DNAJC19: variants seen among roughly 807,000 people sequenced by gnomAD.
The protein encoded by DNAJC19 is DnaJ heat shock protein family (Hsp40) member C19.
In DNAJC19, 15 loss-of-function variants were observed where a neutral mutation model predicts 19.8. That is an observed-to-expected ratio of 0.76 (90% CI 0.51 to 1.17). The LOEUF is 1.17. Ranked by LOEUF, DNAJC19 falls within the 50% of genes most tolerant of loss-of-function variation. The probability of loss-of-function intolerance (pLI) is 0.00; values close to 1 mark genes in which losing one functional copy is unlikely to be tolerated. For missense variants in DNAJC19, 105 were observed against 140.9 expected, an observed-to-expected ratio of 0.75 and a Z score of 1.29; for synonymous variants, 38 against 42.1, an observed-to-expected ratio of 0.90 and a Z score of 0.38.
In DNAJC19 at chr3:180,983,746, A is replaced by C. The variant is rs1481161452; in HGVS notation, c.*894T>G. Reference sequence around the variant, plus strand: ...CATCATTTAAATTTATTAGTGTATAAATTCTAAAGAGTCCAAATTAAATAT... The same window carrying C: ...CATCATTTAAATTTATTAGTGTATACATTCTAAAGAGTCCAAATTAAATAT... On this transcript the variant is annotated 3_prime_UTR_variant, in exon 6 of 6. Transcript: ENST00000382564. 2.3e-6 allele frequency: 1 copy of C among 440,994 alleles called. No individual in the cohort carries two copies. Among genetic ancestry groups the C allele is most frequent in the Non-Finnish European group, 4.5e-6 (1 of 221,852 alleles). 27.3% of individuals were successfully genotyped at this position (440,994 alleles called of 1,614,324 possible). A position where few individuals can be genotyped will look rare whatever the true frequency, so the allele number is the denominator to read the frequency against.
rs759296465 is a variant in DNAJC19 at position 180,986,902 on chromosome 3, C to A, written c.209+41G>T. On this transcript the variant is annotated intron_variant, in intron 4 of 5. Transcript: ENST00000382564. Reference sequence around the variant, plus strand: ...TTTCTTATATTTCCTCATGGCTCTACAGTGGTAGAAAAATGCTAAAAATAT... The same window carrying A: ...TTTCTTATATTTCCTCATGGCTCTAAAGTGGTAGAAAAATGCTAAAAATAT... 5.3e-6 allele frequency: 8 copies of A among 1,513,682 alleles called. No homozygotes were observed. The Admixed American group carries it at 1.3e-4, about 25-fold the overall frequency. The allele number at this position is 1,513,682 out of a possible 1,614,324, so 93.8% of individuals were successfully genotyped here.
rs1714873090 is a variant in DNAJC19, at chr3:180,985,829, G to A, written c.280+97C>T. On this transcript the variant is annotated intron_variant, in intron 5 of 5. Transcript: ENST00000382564. ...GGAGACAGGACTTACAGATTTAAGT[G>A]TTACCTTTCTAATAGCCAGGAATTT... The A allele has an allele frequency of 2.1e-5, 22 of 1,068,278 alleles. No homozygotes were observed. In the South Asian group the frequency reaches 2.3e-4, roughly 11 times the overall value. 66.2% of individuals were successfully genotyped at this position (1,068,278 alleles called of 1,614,324 possible). A position where few individuals can be genotyped will look rare whatever the true frequency, so the allele number is the denominator to read the frequency against.
chr3:180,987,302 G>A, intron 3 of DNAJC19: 2 of 428,222 alleles, frequency 4.7e-6, no homozygotes, highest in African/African-American at 2.0e-5. Context: ...AGGTCTTCCG[G>A]GAGTAAAGGA....
chr3:180,984,551 A>T lies in DNAJC19; in HGVS notation c.*89T>A. The T allele has an allele frequency of 1.1e-6, 1 of 890,542 alleles. No individual in the cohort carries two copies. The highest frequency in any genetic ancestry group is 1.7e-5 in the African/African-American group (1 of 59,102). The allele number at this position is 890,542 out of a possible 1,614,324, so 55.2% of individuals were successfully genotyped here. Reference sequence around the variant, plus strand: ...TTTAGCTTGTGCTAAATCATTTTTTAAAATTGTAGCTCTGAGGCATTTTAT... The same window carrying T: ...TTTAGCTTGTGCTAAATCATTTTTTTAAATTGTAGCTCTGAGGCATTTTAT... On this transcript the variant is annotated 3_prime_UTR_variant, in exon 6 of 6. Transcript: ENST00000382564.
Position 180,984,267 on chromosome 3 carries a change from A to G in DNAJC19, c.*373T>C, listed in dbSNP as rs752694507. ...ACTTAAACAGCTTAAGCTAATTTCC[A>G]TCATACTATTTATCACAGTCTAATT... On this transcript the variant is annotated 3_prime_UTR_variant, in exon 6 of 6. Transcript: ENST00000382564. 31 of 454,690 alleles carry G rather than the reference A, an allele frequency of 6.8e-5. No homozygotes were observed. Among genetic ancestry groups the G allele is most frequent in the South Asian group, 4.8e-4 (31 of 64,482 alleles). 28.2% of individuals were successfully genotyped at this position (454,690 alleles called of 1,614,324 possible). A position where few individuals can be genotyped will look rare whatever the true frequency, so the allele number is the denominator to read the frequency against.
In DNAJC19 at chr3:180,989,631, C is replaced by T. The variant is rs181271620; in HGVS notation, c.-29G>A. On this transcript the variant is annotated 5_prime_UTR_variant, in exon 1 of 6. Transcript: ENST00000382564. ...TCCGGCTGGGCTCCCTTGCTTCCAC[C>T]GGGAGCACGGCTCATCCCAGCTCAG... 5.7e-6 allele frequency: 9 copies of T among 1,584,562 alleles called. No individual in the cohort carries two copies. In the Admixed American group the frequency reaches 7.2e-5, roughly 13 times the overall value.
At chr3:180,988,863 A>T (rs2108510416) in intron 1 of DNAJC19, among the ~76,000 whole-genome samples, 1 of 150,144 alleles carries the variant, frequency 6.7e-6, no homozygotes, top group South Asian at 2.1e-4. Context: ...AAAAAAAATT[A>T]GCTGGGCGTG....
chr3:180,987,416 C>CT (rs1560040031), intron 3 of DNAJC19: 2 of 276,100 alleles, frequency 7.2e-6, no homozygotes, highest in Non-Finnish European at 6.9e-6. Flanking sequence ...TGAAACAAGA[C>CT]TTTAAGATAT....
chr3:180,988,919 A>T (rs1577026470), intron 1 of DNAJC19, among the ~76,000 whole-genome samples: 1 of 151,366 alleles, frequency 6.6e-6, no homozygotes, highest in Non-Finnish European at 1.5e-5. Context: ...CTGAGGCAGG[A>T]GAATGGCGAA....
intron 2 of DNAJC19, 25 bp downstream of exon 2, chr3:180,988,153 T>G: frequency 6.2e-7 from 1 of 1,614,144 alleles, no homozygotes; most frequent in Non-Finnish European, 8.5e-7. Context: ...CCGACTTCAC[T>G]TCCATCCCCA....
In DNAJC19 at chr3:180,984,115, C is replaced by G. The variant is rs920139228; in HGVS notation, c.*525G>C. The G allele has an allele frequency of 4.4e-6, 2 of 453,848 alleles. No individual in the cohort carries two copies. The highest frequency in any genetic ancestry group is 4.0e-5 in the African/African-American group (2 of 49,936). 28.1% of individuals were successfully genotyped at this position (453,848 alleles called of 1,614,324 possible). On this transcript the variant is annotated 3_prime_UTR_variant, in exon 6 of 6. Transcript: ENST00000382564. ...ATAGAATACACACACACACACACCC[C>G]TAGGTCAATTTCTTAGGTCTCAGTT...
chr3:180,988,005 G>T lies in DNAJC19; in HGVS notation c.129+18C>A, dbSNP rs767602454. 1 of 1,613,812 alleles carries T rather than the reference G, an allele frequency of 6.2e-7. No individual in the cohort carries two copies. Among genetic ancestry groups the T allele is most frequent in the Non-Finnish European group, 8.5e-7 (1 of 1,179,786 alleles). On this transcript the variant is annotated intron_variant, in intron 3 of 5. Coordinates refer to ENST00000382564, the MANE Select transcript of DNAJC19 (RefSeq NM_145261.4). Reference sequence around the variant, plus strand: ...CTAGGTTTCAAATAGAAGCAGCAAAGAATTAACAAAGTCTTACAGATTTTG... The same window carrying T: ...CTAGGTTTCAAATAGAAGCAGCAAATAATTAACAAAGTCTTACAGATTTTG...
At chr3:180,988,320 T>C in intron 1 of DNAJC19, 91 bp from the exon 2 acceptor site, 1 of 1,369,738 alleles carries the variant, frequency 7.3e-7, no homozygotes, top group South Asian at 1.3e-5. Context: ...CATTACAAAC[T>C]GCATTTTAAT....
rs566854541 is a variant in DNAJC19, at chr3:180,986,845, C to G, written c.209+98G>C. The G allele has an allele frequency of 1.1e-5, 11 of 1,000,020 alleles. No homozygotes were observed. The East Asian group carries it at 2.6e-4, about 24-fold the overall frequency. 61.9% of individuals were successfully genotyped at this position (1,000,020 alleles called of 1,614,324 possible). On this transcript the variant is annotated intron_variant, in intron 4 of 5. Coordinates refer to ENST00000382564, the MANE Select transcript of DNAJC19 (RefSeq NM_145261.4). ...TCAATCTTCCTAGGACAAAATCCCCCATGACCCTCTCCTATTAAAGGAGAG... is the reference window on the plus strand; with the variant it reads ...TCAATCTTCCTAGGACAAAATCCCCGATGACCCTCTCCTATTAAAGGAGAG...
chr3:180,988,355 T>TTTC, intron 1 of DNAJC19, 126 bp from the exon 2 acceptor site: 5 of 440,746 alleles, frequency 1.1e-5, no homozygotes, highest in African/African-American at 4.5e-5. Flanking sequence ...TTTTTTTTCT[T>TTTC]TTTTTTTTTT....
chr3:180,988,313 T>A, intron 1 of DNAJC19, 84 bp from the exon 2 acceptor site: 1 of 1,477,080 alleles, frequency 6.8e-7, no homozygotes, highest in Non-Finnish European at 9.4e-7. Flanking sequence ...CCCAACTCAT[T>A]ACAAACTGCA....
intron 1 of DNAJC19, chr3:180,989,218 G>A: frequency 3.4e-6 from 3 of 881,732 alleles, no homozygotes; most frequent in Non-Finnish European, 4.4e-6. Flanking sequence ...GTCAGCAAAA[G>A]CCAAAGAGAA....
At position 180,984,659 on chromosome 3, in the gene DNAJC19, T is replaced by G. The variant is rs968957502; in HGVS notation, c.332A>C (p.Glu111Ala). Reference protein sequence around the residue: ...AKINEAKDLLEGQAKK With the variant: ...AKINEAKDLLAGQAKK ...TTTACTTCATTTTTTAGCTTGACCT[T>G]CTAGTAAATCTTTAGCTTCATTGAT... The change falls in exon 6 of 6, where the codon GAA becomes GCA. Residue 111 changes from glutamate to alanine, a missense_variant. Physicochemically the swap from Glu to Ala is moderately radical, Grantham distance 107. Transcript: ENST00000382564. 1.2e-6 allele frequency: 2 copies of G among 1,607,688 alleles called. No individual in the cohort carries two copies. The highest frequency in any genetic ancestry group is 1.7e-6 in the Non-Finnish European group (2 of 1,175,960).
At chr3:180,984,841 T>TA in intron 5 of DNAJC19, 131 bp from the exon 6 acceptor site, 1 of 639,362 alleles carries the variant, frequency 1.6e-6, no homozygotes, top group South Asian at 2.0e-5. Flanking sequence ...TTTTAATTTT[T>TA]AAAAAATAAC....
Sources: gnomAD v4.1 joint callset for allele counts (sites outside exome capture counted in the v4.1 genomes callset) on GRCh38, gnomAD v4.1.1 for gene constraint, MANE v1.5 for transcripts, NCBI Gene and HGNC (gene_info 2026-07-23, HGNC 2026-07-21) for gene names.